The following PCDHA1 variants were observed in gnomAD, a reference collection of about 807,000 sequenced individuals.
PCDHA1 encodes the protein protocadherin alpha 1, also known as protocadherin alpha-1.
PCDHA1 carries 42 observed loss-of-function variants against 61.3 expected under a neutral mutation model. That is an observed-to-expected ratio of 0.69 (90% CI 0.54 to 0.89). The LOEUF is 0.89. PCDHA1 is among the 40% of genes least tolerant of loss of function. PCDHA1 has a pLI of 0.00. For synonymous variants in PCDHA1, 610 were observed against 553.8 expected (o/e 1.10, Z -1.43); for missense variants, 1,256 against 1,235.3 (o/e 1.02, Z -0.25).
intron 1 of PCDHA1, among the ~76,000 whole-genome samples, chr5:140,923,822 T>C (rs1377526546): frequency 6.6e-6 from 1 of 152,156 alleles, no homozygotes; most frequent in Non-Finnish European, 1.5e-5. Flanking sequence ...AAAATAGACG[T>C]CAGTGGCAGT....
At chr5:140,941,563 C>T (rs2093116700) in intron 1 of PCDHA1, among the ~76,000 whole-genome samples, 1 of 151,946 alleles carries the variant, frequency 6.6e-6, no homozygotes, top group Admixed American at 6.6e-5. Context: ...GATCCATTCG[C>T]CTCAGCCTCC....
chr5:140,982,566 A>C lies in PCDHA1; in HGVS notation c.2542+3A>C. 1.2e-6 allele frequency: 2 copies of C among 1,614,088 alleles called. No individual in the cohort carries two copies. Among genetic ancestry groups the C allele is most frequent in the Non-Finnish European group, 1.7e-6 (2 of 1,179,950 alleles). ...AACAGTATCCAGTGCAACACCAGGT[A>C]AAGAGCTGGGGTCTCTCCATTCTTT... is the stretch of plus-strand genomic sequence containing the variant. On this transcript the variant is annotated splice_donor_region_variant and intron_variant, in intron 3 of 3. Transcript: ENST00000504120.
intron 1 of PCDHA1, chr5:140,835,466 G>C: frequency 6.2e-7 from 1 of 1,613,902 alleles, no homozygotes. Flanking sequence ...CTATTCCAGA[G>C]GACGCCCAAC....
chr5:140,809,557 G>A, intron 1 of PCDHA1: 1 of 1,610,094 alleles, frequency 6.2e-7, no homozygotes, highest in Non-Finnish European at 8.5e-7. Flanking sequence ...AGACAACTGA[G>A]GAATCCTTTG....
Position 140,884,123 on chromosome 5 carries a change from C to T in PCDHA1, c.2395-94826C>T, listed in dbSNP as rs1360744073. 2.5e-6 allele frequency: 4 copies of T among 1,613,230 alleles called. No homozygotes were observed. The African/African-American group carries it at 4.0e-5, about 16-fold the overall frequency. ...ATTGCAGCTGGCGGCGGTCGGCGCGCGCATCCCGTTCCGCGTGGGGCTGTA... is the reference window on the plus strand; with the variant it reads ...ATTGCAGCTGGCGGCGGTCGGCGCGTGCATCCCGTTCCGCGTGGGGCTGTA... On this transcript the variant is annotated intron_variant, in intron 1 of 3. Coordinates refer to ENST00000504120, the MANE Select transcript of PCDHA1 (RefSeq NM_018900.4).
At chr5:140,934,533 C>T (rs1418320473) in intron 1 of PCDHA1, among the ~76,000 whole-genome samples, 5 of 152,086 alleles carry the variant, frequency 3.3e-5, no homozygotes, top group African/African-American at 4.8e-5. Flanking sequence ...CGAGAGCTAC[C>T]GTTCTAATTC....
At chr5:140,989,462 G>A (rs531421005) in intron 3 of PCDHA1, among the ~76,000 whole-genome samples, 27 of 152,326 alleles carry the variant, frequency 1.8e-4, no homozygotes, top group Non-Finnish European at 2.9e-4. Context: ...GTTAGGCTTG[G>A]AACTCCTCCT....
Position 140,788,483 on chromosome 5 carries a change from G to A in PCDHA1, c.2193G>A (p.Ala731=), listed in dbSNP as rs61743798. 0.015 allele frequency: 24,704 copies of A among 1,614,096 alleles called. 315 individuals carry two copies. The highest frequency in any genetic ancestry group is 0.048 in the South Asian group (4,337 of 91,068). ...LRCSVPPTEG[A]YVPGKPTLVC... Reference sequence around the variant, plus strand: ...GCTCAGTGCCGCCCACTGAGGGTGCGTATGTGCCGGGCAAGCCCACTCTGG... The same window carrying A: ...GCTCAGTGCCGCCCACTGAGGGTGCATATGTGCCGGGCAAGCCCACTCTGG... Residue 731 remains alanine (A), a synonymous_variant, in exon 1 of 4, where the codon GCG becomes GCA. Coordinates refer to ENST00000504120, the MANE Select transcript of PCDHA1 (RefSeq NM_018900.4).
chr5:140,788,304 A>T lies in PCDHA1; in HGVS notation c.2014A>T (p.Ser672Cys). 6.2e-7 allele frequency: 1 copy of T among 1,613,864 alleles called. No individual in the cohort carries two copies. Residue 672 changes from serine to cysteine, a missense_variant, in exon 1 of 4, where the codon AGC becomes TGC. Coordinates refer to ENST00000504120, the MANE Select transcript of PCDHA1 (RefSeq NM_018900.4). ...CACTGTGCTTGTATCTCTGGTGGAGAGCGGCCAGGCGCCAAAGGCGTCTTC... is the reference window on the plus strand; with the variant it reads ...CACTGTGCTTGTATCTCTGGTGGAGTGCGGCCAGGCGCCAAAGGCGTCTTC... Reference protein sequence around the residue: ...TATVLVSLVESGQAPKASSRA... With the variant: ...TATVLVSLVECGQAPKASSRA...
At chr5:140,919,614 T>C (rs1186816141) in intron 1 of PCDHA1, among the ~76,000 whole-genome samples, 1 of 152,212 alleles carries the variant, frequency 6.6e-6, no homozygotes, top group Non-Finnish European at 1.5e-5. Flanking sequence ...TTAAACTGTA[T>C]CTTTTGAGTT....
intron 1 of PCDHA1, among the ~76,000 whole-genome samples, chr5:140,934,787 C>A (rs1383149637): frequency 6.6e-6 from 1 of 152,096 alleles, no homozygotes; most frequent in African/African-American, 2.4e-5. Context: ...CAATCCATGT[C>A]AATTATCTTT....
chr5:140,967,217 C>T, intron 1 of PCDHA1: 1 of 1,613,682 alleles, frequency 6.2e-7, no homozygotes, highest in Non-Finnish European at 8.5e-7. Flanking sequence ...TTTCCCGCGG[C>T]CCAACTACCA....
intron 1 of PCDHA1, chr5:140,795,424 C>G (rs782726612): frequency 1.9e-6 from 3 of 1,614,072 alleles, no homozygotes; most frequent in African/African-American, 1.3e-5. Flanking sequence ...TCGGTTTCCT[C>G]TAGAGGGAGC....
rs781814958 is a variant in PCDHA1 at position 140,869,604 on chromosome 5, A to G, written c.2394+80920A>G. On this transcript the variant is annotated intron_variant, in intron 1 of 3. Transcript: ENST00000504120. ...ATGCTGACATTGAAGAGAATGCTCTATTGACCTACAGGCTAAGTAAAAATG... is the reference window on the plus strand; with the variant it reads ...ATGCTGACATTGAAGAGAATGCTCTGTTGACCTACAGGCTAAGTAAAAATG... 5 of 1,613,944 alleles carry G rather than the reference A, an allele frequency of 3.1e-6. No individual in the cohort carries two copies. In the African/African-American group the frequency reaches 4.0e-5, roughly 13 times the overall value.
intron 1 of PCDHA1, among the ~76,000 whole-genome samples, chr5:140,944,319 C>T (rs1386940921): frequency 6.6e-6 from 1 of 152,104 alleles, no homozygotes. Context: ...TCCTGAGTAG[C>T]TGGGATTACA....
At chr5:140,823,423 C>T (rs2150125747) in intron 1 of PCDHA1, 14 of 1,613,304 alleles carry the variant, frequency 8.7e-6, no homozygotes, top group Non-Finnish European at 1.1e-5. Flanking sequence ...CAACGTGACG[C>T]TGCAGGTGTT....
chr5:140,864,705 G>T (rs1321181111), intron 1 of PCDHA1: 1 of 152,172 alleles, frequency 6.6e-6, no homozygotes, highest in Admixed American at 6.5e-5. Flanking sequence ...AAGTTGTTGA[G>T]CTCTTCTACT....
Position 141,010,021 on chromosome 5 carries a change from T to C in PCDHA1, c.*84T>C. 1 of 1,572,108 alleles carries C rather than the reference T, an allele frequency of 6.4e-7. No individual in the cohort carries two copies. The highest frequency in any genetic ancestry group is 1.9e-5 in the Admixed American group (1 of 52,756). On this transcript the variant is annotated 3_prime_UTR_variant, in exon 4 of 4. Coordinates refer to ENST00000504120, the MANE Select transcript of PCDHA1 (RefSeq NM_018900.4). ...CATGTAGCAATTCCCTGCTCCTTTTTCCTATCTACATGAGCCCTCTTAGAG... is the reference window on the plus strand; with the variant it reads ...CATGTAGCAATTCCCTGCTCCTTTTCCCTATCTACATGAGCCCTCTTAGAG...
At chr5:140,817,990 C>T (rs1344899223) in intron 1 of PCDHA1, among the ~76,000 whole-genome samples, 4 of 152,120 alleles carry the variant, frequency 2.6e-5, no homozygotes, top group Non-Finnish European at 5.9e-5. Flanking sequence ...ACTTTGTATA[C>T]TTACTCTGTT....
Sources: allele counts gnomAD v4.1 joint callset (sites outside exome capture counted in the v4.1 genomes callset), GRCh38; gene constraint gnomAD v4.1.1; transcripts MANE v1.5; gene names NCBI Gene and HGNC (gene_info 2026-07-23, HGNC 2026-07-21).